Variants in PDE4D observed in about 807,000 individuals in gnomAD.
The protein encoded by PDE4D is phosphodiesterase 4D, also known as 3',5'-cyclic-AMP phosphodiesterase 4D.
In PDE4D, 24 loss-of-function variants were observed where a neutral mutation model predicts 87.4. That is an observed-to-expected ratio of 0.27 (90% CI 0.20 to 0.39). The LOEUF (loss-of-function observed/expected upper bound fraction) is 0.39. Ranked by LOEUF, PDE4D falls within the 10% of genes least tolerant of loss-of-function variation. PDE4D has a pLI of 1.00. For synonymous variants in PDE4D, 384 were observed against 383.2 expected, an observed-to-expected ratio of 1.00 and a Z score of -0.02; for missense variants, 714 against 1,041.0, an observed-to-expected ratio of 0.69 and a Z score of 4.32.
chr5:60,047,928 T>C, intron 2 of PDE4D, among the ~76,000 whole-genome samples: 1 of 152,150 alleles, frequency 6.6e-6, no homozygotes, highest in Non-Finnish European at 1.5e-5. Context: ...CTTGTTGACT[T>C]TGTGTCTCGT....
At chr5:59,867,833 A>G (rs185195721) in intron 1 of PDE4D, among the ~76,000 whole-genome samples, 3 of 152,206 alleles carry the variant, frequency 2.0e-5, no homozygotes, top group Admixed American at 2.0e-4. Context: ...GAAGCAGAAT[A>G]TGATATATTA....
chr5:60,030,399 G>T (rs1412027780), intron 2 of PDE4D, among the ~76,000 whole-genome samples: 1 of 152,200 alleles, frequency 6.6e-6, no homozygotes. Context: ...GCAGTGAGCC[G>T]AGATTGCGCC....
intron 5 of PDE4D, among the ~76,000 whole-genome samples, chr5:59,156,320 A>AAATATATATATAT (rs548335725): frequency 3.9e-4 from 32 of 81,766 alleles, no homozygotes; most frequent in African/African-American, 5.6e-4. Context: ...AAAAAAAAAA[A>AAATATATATATAT]ATATATATAT....
chr5:59,703,974 GAA>G (rs945692471), intron 1 of PDE4D, among the ~76,000 whole-genome samples: 21 of 152,170 alleles, frequency 1.4e-4, no homozygotes, highest in African/African-American at 4.8e-4. Context: ...GAAAGAGGGA[GAA>G]AGTGAGAAAG....
rs78779936 is a variant in PDE4D, at chr5:59,300,690, C to A, written c.456-84722G>T. The stretch of plus-strand genomic sequence containing the variant: ...ACAAACATGTGAGGTTTCCCCCCCA[C>A]ACCAAGCAGCCAACACTAGCTGGGT... On this transcript the variant is annotated intron_variant, in intron 1 of 14. Coordinates refer to ENST00000340635, the MANE Select transcript of PDE4D (RefSeq NM_001104631.2). Among the ~76,000 whole-genome samples, 1,105 of 152,158 alleles carry A rather than the reference C, an allele frequency of 7.3e-3. 13 individuals are homozygous for A. Among genetic ancestry groups the A allele is most frequent in the African/African-American group, 0.026 (1,059 of 41,518 alleles).
At chr5:60,464,065 G>T (rs1747163474) in intron 1 of PDE4D, among the ~76,000 whole-genome samples, 1 of 151,896 alleles carries the variant, frequency 6.6e-6, no homozygotes, top group Admixed American at 6.6e-5. Flanking sequence ...CTCATACAAT[G>T]ATCTGTGGGC....
chr5:60,280,909 C>A (rs1404118813), intron 1 of PDE4D, among the ~76,000 whole-genome samples: 1 of 152,268 alleles, frequency 6.6e-6, no homozygotes, highest in Admixed American at 6.5e-5. Flanking sequence ...GGCCACAAAT[C>A]TCTAAGGCTT....
At chr5:59,890,253 G>A (rs535053343) in intron 1 of PDE4D, among the ~76,000 whole-genome samples, 4 of 101,666 alleles carry the variant, frequency 3.9e-5, no homozygotes, top group African/African-American at 1.2e-4. Context: ...TGGTGCGCAC[G>A]TACACACACA....
intron 3 of PDE4D, among the ~76,000 whole-genome samples, chr5:59,978,564 T>A (rs1761580533): frequency 6.6e-6 from 1 of 152,200 alleles, no homozygotes; most frequent in Non-Finnish European, 1.5e-5. Flanking sequence ...CTACTTCTGG[T>A]AAAGATGCTG....
chr5:60,453,178 T>C (rs1239649098), intron 1 of PDE4D, among the ~76,000 whole-genome samples: 1 of 152,086 alleles, frequency 6.6e-6, no homozygotes, highest in Non-Finnish European at 1.5e-5. Context: ...AAAGCACATA[T>C]AGCTTGTTTT....
chr5:59,759,393 C>T (rs573511617), intron 1 of PDE4D, among the ~76,000 whole-genome samples: 32 of 152,282 alleles, frequency 2.1e-4, no homozygotes, highest in African/African-American at 6.5e-4. Flanking sequence ...TCAGCTCGTA[C>T]GAACAGGCTT....
chr5:60,110,952 A>G (rs949525373), intron 2 of PDE4D, among the ~76,000 whole-genome samples: 7 of 152,058 alleles, frequency 4.6e-5, no homozygotes, highest in Admixed American at 1.3e-4. Flanking sequence ...AGCTAAAATA[A>G]AAAATTCAGC....
chr5:60,285,732 G>C (rs1752360755), intron 1 of PDE4D, among the ~76,000 whole-genome samples: 1 of 152,170 alleles, frequency 6.6e-6, no homozygotes, highest in Non-Finnish European at 1.5e-5. Context: ...CAAGTTCACA[G>C]AGTGACGTGG....
intron 5 of PDE4D, among the ~76,000 whole-genome samples, chr5:59,168,667 AAAG>A (rs1782267899): frequency 2.0e-5 from 3 of 151,902 alleles, no homozygotes; most frequent in Middle Eastern, 3.4e-3. Context: ...TCAAAAGAAA[AAAG>A]AAAAAGAAAG....
chr5:59,218,531 AT>A (rs1229384113), intron 1 of PDE4D, among the ~76,000 whole-genome samples: 2 of 152,156 alleles, frequency 1.3e-5, no homozygotes, highest in Non-Finnish European at 2.9e-5. Flanking sequence ...ACATTTATTA[AT>A]AGGTCAGGAA....
intron 3 of PDE4D, among the ~76,000 whole-genome samples, chr5:59,949,104 G>A (rs1162525858): frequency 2.0e-5 from 3 of 152,184 alleles, no homozygotes; most frequent in Non-Finnish European, 4.4e-5. Context: ...ATGTGTGTGT[G>A]TGCGCATGCA....
intron 1 of PDE4D, among the ~76,000 whole-genome samples, chr5:60,425,338 A>G (rs1164307701): frequency 6.6e-6 from 1 of 152,204 alleles, no homozygotes; most frequent in African/African-American, 2.4e-5. Flanking sequence ...AAACAGAGAT[A>G]TAGACCAAGA....
chr5:59,824,836 C>A (rs1770131314), intron 1 of PDE4D, among the ~76,000 whole-genome samples: 1 of 152,138 alleles, frequency 6.6e-6, no homozygotes, highest in Non-Finnish European at 1.5e-5. Flanking sequence ...AAGCAGATCT[C>A]CTCCAGGCAC....
rs62643462 is a variant in PDE4D at position 59,200,298 on chromosome 5, T to C, written c.648-6762A>G. On this transcript the variant is annotated intron_variant, in intron 2 of 14. Transcript: ENST00000340635. ...GTACAGCTACAAGTATACATACATA[T>C]GTGTATGTACAGCTACACGTATACA... Among the ~76,000 whole-genome samples, 507 of 115,560 alleles carry C rather than the reference T, an allele frequency of 4.4e-3. 19 individuals are homozygous for C. The highest frequency in any genetic ancestry group is 0.016 in the East Asian group (58 of 3,530). 75.8% of individuals were successfully genotyped at this position (115,560 alleles called of 152,430 possible).
Sources: gnomAD v4.1 joint callset for allele counts (sites outside exome capture counted in the v4.1 genomes callset) on GRCh38, gnomAD v4.1.1 for gene constraint, MANE v1.5 for transcripts, NCBI Gene and HGNC (gene_info 2026-07-23, HGNC 2026-07-21) for gene names.